MCHR2: variants seen among roughly 807,000 people sequenced by gnomAD.
MCHR2 encodes the protein melanin-concentrating hormone receptor 2.
In MCHR2, 15 loss-of-function variants were observed where a neutral mutation model predicts 24.8. The ratio of observed to expected loss-of-function variants is 0.60; its 90% CI spans 0.40 to 0.93. MCHR2 has a LOEUF of 0.93. Among genes scored for constraint, MCHR2 ranks in the 40% least tolerant of loss-of-function variants. MCHR2 has a pLI of 0.00. For synonymous variants in MCHR2, 151 were observed against 147.6 expected (o/e 1.02, Z -0.17); for missense variants, 386 against 408.7 (o/e 0.94, Z 0.48).
intron 5 of MCHR2, among the ~76,000 whole-genome samples, chr6:99,928,233 GT>G (rs1774415048): frequency 6.6e-6 from 1 of 152,170 alleles, no homozygotes; most frequent in Admixed American, 6.5e-5. Flanking sequence ...GCTGAATTCA[GT>G]TTGCTGGTAT....
At chr6:99,935,770 TC>T (rs1774646080) in intron 4 of MCHR2, among the ~76,000 whole-genome samples, 1 of 151,882 alleles carries the variant, frequency 6.6e-6, no homozygotes, top group Non-Finnish European at 1.5e-5. Flanking sequence ...TTTTAGTTTT[TC>T]GAGGAGCCTT....
intron 1 of MCHR2, among the ~76,000 whole-genome samples, chr6:99,985,100 C>G (rs1443142830): frequency 6.6e-6 from 1 of 151,912 alleles, no homozygotes; most frequent in Admixed American, 6.6e-5. Flanking sequence ...AAATAAAATA[C>G]CTAGGAATAG....
rs555706475 is a variant in MCHR2 at position 99,974,591 on chromosome 6, C to T, written c.-27-18417G>A. Among the ~76,000 whole-genome samples, 422 of 152,304 alleles carry T rather than the reference C, an allele frequency of 2.8e-3. 3 individuals are homozygous for T. The highest frequency in any genetic ancestry group is 8.3e-3 in the African/African-American group (347 of 41,560). ...AGTCATTCTCCATCCAGCTTTGTTCCGTTGCTGGTAAGGAGCTGCGTTCCT... is the reference window on the plus strand; with the variant it reads ...AGTCATTCTCCATCCAGCTTTGTTCTGTTGCTGGTAAGGAGCTGCGTTCCT... On this transcript the variant is annotated intron_variant, in intron 1 of 5. Transcript: ENST00000281806.
intron 1 of MCHR2, among the ~76,000 whole-genome samples, chr6:99,969,473 C>CAAAA (rs1214316677): frequency 1.2e-4 from 9 of 76,792 alleles, no homozygotes; most frequent in African/African-American, 2.9e-4. Context: ...GACTCCATCT[C>CAAAA]AAAAAAAAAA....
intron 4 of MCHR2, among the ~76,000 whole-genome samples, chr6:99,935,482 T>C (rs1774637976): frequency 1.3e-5 from 2 of 152,084 alleles, no homozygotes; most frequent in African/African-American, 4.8e-5. Context: ...TGTACTTGGC[T>C]CGTTTCACTT....
intron 3 of MCHR2, among the ~76,000 whole-genome samples, chr6:99,946,204 G>A (rs1468616680): frequency 6.6e-6 from 1 of 152,050 alleles, no homozygotes; most frequent in Non-Finnish European, 1.5e-5. Flanking sequence ...ACAAGCATAT[G>A]GGGCTTTTCT....
chr6:99,947,797 G>C lies in MCHR2; in HGVS notation c.357C>G (p.Ala119=), dbSNP rs1200529278. ...TCATTACAGTCATGATGGCACTACAGGCAAATTGGTTACAAGTATCCAGGG... is the reference window on the plus strand; with the variant it reads ...TCATTACAGTCATGATGGCACTACACGCAAATTGGTTACAAGTATCCAGGG... ...ITSLDTCNQF[A]CSAIMTVMSV... The change falls in exon 3 of 6, where the codon GCC becomes GCG. Residue 119 remains alanine (A), a synonymous_variant. Transcript: ENST00000281806. 1 of 1,613,780 alleles carries C rather than the reference G, an allele frequency of 6.2e-7. No homozygotes were observed. The highest frequency in any genetic ancestry group is 1.7e-5 in the Admixed American group (1 of 59,986).
chr6:99,926,828 C>T (rs990407689), intron 5 of MCHR2, among the ~76,000 whole-genome samples: 1 of 152,094 alleles, frequency 6.6e-6, no homozygotes, highest in Non-Finnish European at 1.5e-5. Context: ...TGTGCCGAAG[C>T]TCTTCAGTTT....
At chr6:99,937,241 A>G (rs1360649985) in intron 4 of MCHR2, among the ~76,000 whole-genome samples, 1 of 151,990 alleles carries the variant, frequency 6.6e-6, no homozygotes. Flanking sequence ...TTCTGATATT[A>G]CATTGAATAA....
At chr6:99,957,922 G>C (rs1295141377) in intron 1 of MCHR2, among the ~76,000 whole-genome samples, 1 of 151,964 alleles carries the variant, frequency 6.6e-6, no homozygotes, top group African/African-American at 2.4e-5. Flanking sequence ...TCCCCAGACT[G>C]ACTTATAGAT....
chr6:99,973,023 A>G (rs1775464595), intron 1 of MCHR2, among the ~76,000 whole-genome samples: 1 of 152,168 alleles, frequency 6.6e-6, no homozygotes, highest in Non-Finnish European at 1.5e-5. Flanking sequence ...TGGTGCTGAA[A>G]AAAAATGTAT....
At chr6:99,931,109 C>G (rs991555068) in intron 5 of MCHR2, among the ~76,000 whole-genome samples, 4 of 152,136 alleles carry the variant, frequency 2.6e-5, no homozygotes, top group Admixed American at 6.5e-5. Context: ...CACTCCAGAC[C>G]CTGTTTGCAT....
intron 1 of MCHR2, among the ~76,000 whole-genome samples, chr6:99,984,992 A>G (rs2114594011): frequency 6.6e-6 from 1 of 152,290 alleles, no homozygotes; most frequent in South Asian, 2.1e-4. Flanking sequence ...CAGAATACAT[A>G]ATCAATGTAC....
intron 5 of MCHR2, among the ~76,000 whole-genome samples, chr6:99,925,723 C>A (rs1774339074): frequency 6.6e-6 from 1 of 151,722 alleles, no homozygotes; most frequent in African/African-American, 2.4e-5. Context: ...CAATTTTTAA[C>A]TTTTTGTTGT....
intron 5 of MCHR2, among the ~76,000 whole-genome samples, chr6:99,924,162 C>T (rs2114484632): frequency 6.6e-6 from 1 of 152,058 alleles, no homozygotes; most frequent in African/African-American, 2.4e-5. Context: ...AGGAATTTGT[C>T]CATTTCTTCT....
intron 5 of MCHR2, among the ~76,000 whole-genome samples, chr6:99,930,334 A>G (rs568877887): frequency 8.5e-5 from 13 of 152,122 alleles, no homozygotes; most frequent in South Asian, 4.2e-4. Flanking sequence ...TGCTCTTCTC[A>G]AGGAGTATCT....
intron 4 of MCHR2, among the ~76,000 whole-genome samples, chr6:99,942,370 G>A (rs891459210): frequency 6.6e-6 from 1 of 152,034 alleles, no homozygotes; most frequent in Non-Finnish European, 1.5e-5. Context: ...TCCAATCTCC[G>A]CCTCTGTCTT....
At chr6:99,936,966 G>A (rs540296014) in intron 4 of MCHR2, among the ~76,000 whole-genome samples, 2 of 151,626 alleles carry the variant, frequency 1.3e-5, no homozygotes, top group Non-Finnish European at 3.0e-5. Context: ...TATATTCTTG[G>A]TAGCTATTTT....
In MCHR2 at chr6:99,919,288, G is replaced by A; in HGVS notation, c.*1652C>T. On this transcript the variant is annotated 3_prime_UTR_variant, in exon 6 of 6. Coordinates refer to ENST00000281806, the MANE Select transcript of MCHR2 (RefSeq NM_001040179.2). ...CAGATATGCATTTAGATACTATCCA[G>A]TTCTGAAATGGTGCCTAAAAATTCT... is the stretch of plus-strand genomic sequence containing the variant. Among the ~76,000 whole-genome samples the A allele has an allele frequency of 6.6e-6, 1 of 152,164 alleles. No individual in the cohort carries two copies. The highest frequency in any genetic ancestry group is 1.9e-4 in the East Asian group (1 of 5,206).
Sources: gnomAD v4.1 joint callset for allele counts (sites outside exome capture counted in the v4.1 genomes callset) on GRCh38, gnomAD v4.1.1 for gene constraint, MANE v1.5 for transcripts, NCBI Gene and HGNC (gene_info 2026-07-23, HGNC 2026-07-21) for gene names.